The following PLPP1 variants were observed in gnomAD, a reference collection of about 807,000 sequenced individuals.
The protein encoded by PLPP1 is phospholipid phosphatase 1.
Under a neutral mutation model 31.2 loss-of-function variants are expected in PLPP1, and 24 were observed. That is an observed-to-expected ratio of 0.77 (90% CI 0.56 to 1.08). PLPP1 has a LOEUF of 1.08. PLPP1 is among the 50% of genes least tolerant of loss of function. PLPP1 has a pLI of 0.00. For missense variants in PLPP1, 319 were observed against 342.7 expected (o/e 0.93, Z 0.55); for synonymous variants, 146 against 126.3 (o/e 1.16, Z -1.05).
intron 1 of PLPP1, among the ~76,000 whole-genome samples, chr5:55,524,726 C>T (rs1210073571): frequency 6.6e-6 from 1 of 152,124 alleles, no homozygotes; most frequent in Non-Finnish European, 1.5e-5. Context: ...AGGAGAATCG[C>T]TTGTACCTAG....
intron 1 of PLPP1, among the ~76,000 whole-genome samples, chr5:55,506,055 TCAAAACAAAA>T (rs111657740): frequency 6.6e-5 from 10 of 151,846 alleles, no homozygotes; most frequent in East Asian, 1.9e-4. Context: ...AGACTCTGTC[TCAAAACAAAA>T]CAAAACAAAA....
chr5:55,472,118 G>C (rs1752428390), intron 2 of PLPP1, among the ~76,000 whole-genome samples: 1 of 152,164 alleles, frequency 6.6e-6, no homozygotes, highest in African/African-American at 2.4e-5. Flanking sequence ...GAAAGACTCT[G>C]TCAATCAATT....
intron 1 of PLPP1, chr5:55,485,142 C>T (rs1032987750): frequency 6.6e-6 from 1 of 152,186 alleles, no homozygotes; most frequent in Non-Finnish European, 1.5e-5. Context: ...GACAGAGTCA[C>T]AGGAACCCCC....
intron 1 of PLPP1, among the ~76,000 whole-genome samples, chr5:55,478,516 G>A (rs1752604984): frequency 6.6e-6 from 1 of 152,158 alleles, no homozygotes; most frequent in Non-Finnish European, 1.5e-5. Flanking sequence ...AGCAGAAGGG[G>A]TCTAGGACAG....
chr5:55,519,195 T>A (rs1753613117), intron 1 of PLPP1, among the ~76,000 whole-genome samples: 1 of 152,228 alleles, frequency 6.6e-6, no homozygotes, highest in Admixed American at 6.5e-5. Flanking sequence ...ACACTAGCCA[T>A]AAAGTTGAAC....
intron 4 of PLPP1, among the ~76,000 whole-genome samples, chr5:55,427,468 T>C (rs74783539): frequency 0.01 from 1,543 of 152,338 alleles, 22 homozygotes; most frequent in African/African-American, 0.036. Flanking sequence ...TTTTGTTTGT[T>C]GTTCAAGCTG....
intron 4 of PLPP1, among the ~76,000 whole-genome samples, chr5:55,438,282 C>T (rs1233234304): frequency 6.6e-6 from 1 of 152,234 alleles, no homozygotes; most frequent in Non-Finnish European, 1.5e-5. Context: ...TGGCTATGTG[C>T]AAAGCAGCCC....
intron 3 of PLPP1, among the ~76,000 whole-genome samples, chr5:55,456,297 G>A (rs538103972): frequency 1.3e-5 from 2 of 152,106 alleles, no homozygotes; most frequent in Non-Finnish European, 1.5e-5. Context: ...AGTGTGCTAC[G>A]TGCAAGAGAG....
intron 1 of PLPP1, among the ~76,000 whole-genome samples, chr5:55,513,017 C>T (rs1396105987): frequency 6.6e-6 from 1 of 152,032 alleles, no homozygotes; most frequent in Non-Finnish European, 1.5e-5. Flanking sequence ...GAGTTTTGTC[C>T]GGGTATTATT....
At chr5:55,482,002 ATT>A (rs1220752147) in intron 1 of PLPP1, among the ~76,000 whole-genome samples, 1 of 148,282 alleles carries the variant, frequency 6.7e-6, no homozygotes, top group South Asian at 2.1e-4. Flanking sequence ...ATATATTTTT[ATT>A]TTTATTTTTA....
chr5:55,472,527 G>A (rs1752436438), intron 2 of PLPP1, among the ~76,000 whole-genome samples: 1 of 152,090 alleles, frequency 6.6e-6, no homozygotes. Context: ...TTGAACCCAG[G>A]AGTCGGAGTT....
chr5:55,447,663 A>AAG (rs1751797591), intron 3 of PLPP1, among the ~76,000 whole-genome samples: 1 of 152,222 alleles, frequency 6.6e-6, no homozygotes, highest in African/African-American at 2.4e-5. Context: ...TAGACAGACA[A>AAG]AGAGGAACTT....
intron 3 of PLPP1, among the ~76,000 whole-genome samples, chr5:55,445,214 A>AGTTC (rs910484228): frequency 1.3e-5 from 2 of 152,076 alleles, no homozygotes; most frequent in African/African-American, 4.8e-5. Context: ...CATGCATGTG[A>AGTTC]GTTCCCTCCT....
intron 1 of PLPP1, among the ~76,000 whole-genome samples, chr5:55,519,981 T>C (rs535978437): frequency 1.3e-5 from 2 of 152,306 alleles, no homozygotes; most frequent in South Asian, 2.1e-4. Context: ...GTTTAACTCA[T>C]TCAACCTGTA....
chr5:55,441,710 T>C (rs2278258), intron 4 of PLPP1, 141 bp downstream of exon 4: 817,565 of 917,280 alleles, frequency 0.89, 365,753 homozygotes, highest in Admixed American at 0.93. Context: ...TACTTCTCAG[T>C]ATGAAACTTA....
chr5:55,492,302 T>C (rs1395782919), intron 1 of PLPP1, among the ~76,000 whole-genome samples: 1 of 152,254 alleles, frequency 6.6e-6, no homozygotes, highest in African/African-American at 2.4e-5. Context: ...TAAAAACAAA[T>C]CCCAAGGTAG....
chr5:55,425,567 A>C, intron 5 of PLPP1: 1 of 463,110 alleles, frequency 2.2e-6, no homozygotes, highest in Non-Finnish European at 3.7e-6. Context: ...ACTGAATAAA[A>C]GAGTTATTTC....
At chr5:55,430,802 C>A (rs917258134) in intron 4 of PLPP1, among the ~76,000 whole-genome samples, 9 of 151,808 alleles carry the variant, frequency 5.9e-5, no homozygotes. Context: ...ATTGAAAAAG[C>A]TCAGTGAGAT....
intron 2 of PLPP1, among the ~76,000 whole-genome samples, chr5:55,472,656 A>AAG (rs1029979858): frequency 2.8e-5 from 1 of 35,860 alleles, no homozygotes. Flanking sequence ...GAAAGAAAGA[A>AAG]AGAGAGAGAG....
Sources: allele counts gnomAD v4.1 joint callset (sites outside exome capture counted in the v4.1 genomes callset), GRCh38; gene constraint gnomAD v4.1.1; transcripts MANE v1.5; gene names NCBI Gene and HGNC (gene_info 2026-07-23, HGNC 2026-07-21).